Variants in DAB1 observed in about 807,000 individuals in gnomAD.
DAB1 encodes the protein disabled homolog 1.
Under a neutral mutation model 64.6 loss-of-function variants are expected in DAB1, and 15 were observed. The observed-to-expected ratio is 0.23, with a 90% CI of 0.16 to 0.36. DAB1 has a LOEUF of 0.36. DAB1 is among the 10% of genes least tolerant of loss of function. The pLI is 1.00. For synonymous variants in DAB1, 235 were observed against 251.9 expected, an observed-to-expected ratio of 0.93 and a Z score of 0.64; for missense variants, 596 against 706.7, an observed-to-expected ratio of 0.84 and a Z score of 1.78.
At chr1:57,724,247 G>T (rs1400209888) in intron 6 of DAB1, among the ~76,000 whole-genome samples, 1 of 138,982 alleles carries the variant, frequency 7.2e-6, no homozygotes, top group Non-Finnish European at 1.5e-5. Flanking sequence ...AGAAAGAAAG[G>T]AAGGGAGGGA....
At chr1:57,621,249 G>T (rs1040078054) in intron 7 of DAB1, among the ~76,000 whole-genome samples, 2 of 116,792 alleles carry the variant, frequency 1.7e-5, no homozygotes, top group East Asian at 5.4e-4. Context: ...GTTTAAGAGA[G>T]GGAGTGAGAT....
chr1:57,159,108 C>A (rs1489509917), intron 2 of DAB1, among the ~76,000 whole-genome samples: 1 of 152,100 alleles, frequency 6.6e-6, no homozygotes, highest in African/African-American at 2.4e-5. Flanking sequence ...TAACCCAATT[C>A]TTCTGCTCCA....
intron 5 of DAB1, among the ~76,000 whole-genome samples, chr1:57,911,650 G>A (rs371054338): frequency 3.9e-5 from 6 of 152,176 alleles, no homozygotes; most frequent in Admixed American, 2.0e-4. Context: ...CTCCTCAGAC[G>A]TCATGGCTCA....
intron 4 of DAB1, among the ~76,000 whole-genome samples, chr1:58,295,802 G>C (rs532307416): frequency 1.8e-4 from 27 of 152,046 alleles, no homozygotes; most frequent in Non-Finnish European, 3.2e-4. Context: ...TCAAAGGGGA[G>C]ACAGTTGGCT....
At position 57,650,534 on chromosome 1, in the gene DAB1, A is replaced by G. The variant is rs1375198143; in HGVS notation, n.552-869T>C. 2.0e-5 allele frequency among the ~76,000 whole-genome samples: 3 copies of G among 152,348 alleles called. No homozygotes were observed. In the East Asian group the frequency reaches 5.8e-4, roughly 29 times the overall value. ...AAAAATAATTTTTTAAATGTTCACT[A>G]TACAGAAAATATATTTTGTATAACA... On this transcript the variant is annotated intron_variant and non_coding_transcript_variant, in intron 6 of 20. Transcript: ENST00000485760.
Position 57,136,698 on chromosome 1 carries a change from T to C in DAB1, c.208-57A>G. The C allele has an allele frequency of 2.4e-6, 3 of 1,258,454 alleles. No homozygotes were observed. The South Asian group carries it at 4.8e-5, about 20-fold the overall frequency. 78.0% of individuals were successfully genotyped at this position (1,258,454 alleles called of 1,614,324 possible). ...AGTGTTTTCATTTGAAAATTCTCTCTGGTCCCAAAGGTATGTCCGATACCA... is the reference window on the plus strand; with the variant it reads ...AGTGTTTTCATTTGAAAATTCTCTCCGGTCCCAAAGGTATGTCCGATACCA... On this transcript the variant is annotated intron_variant, in intron 3 of 14. Transcript: ENST00000371236.
chr1:57,686,444 T>A (rs1157463925), intron 6 of DAB1, among the ~76,000 whole-genome samples: 1 of 151,982 alleles, frequency 6.6e-6, no homozygotes, highest in Non-Finnish European at 1.5e-5. Context: ...GCGGACCAGA[T>A]GGATGGACAG....
chr1:58,537,055 T>C (rs1406270126), intron 1 of DAB1, among the ~76,000 whole-genome samples: 3 of 150,016 alleles, frequency 2.0e-5, no homozygotes, highest in Non-Finnish European at 4.4e-5. Context: ...ATCTAGTACA[T>C]GCAAAATTCT....
Position 57,258,314 on chromosome 1 carries a change from G to A in DAB1, c.67+32650C>T, listed in dbSNP as rs973059432. On this transcript the variant is annotated intron_variant, in intron 2 of 14. Transcript: ENST00000371236. ...GTCACACAGTAAGAAGGAGGCAGCT[G>A]AGATATGAACCCAGTAATTCCTGAC... Among the ~76,000 whole-genome samples the A allele has an allele frequency of 2.0e-5, 3 of 152,136 alleles. No homozygotes were observed. In the East Asian group the frequency reaches 5.8e-4, roughly 29 times the overall value.
At chr1:58,312,049 A>G (rs1662442894) in intron 4 of DAB1, among the ~76,000 whole-genome samples, 1 of 152,150 alleles carries the variant, frequency 6.6e-6, no homozygotes, top group Non-Finnish European at 1.5e-5. Context: ...ATGTGAGATA[A>G]AGGAAGCAAG....
At chr1:57,621,638 G>A (rs78469449) in intron 7 of DAB1, among the ~76,000 whole-genome samples, 2,654 of 152,190 alleles carry the variant, frequency 0.017, 49 homozygotes, top group Admixed American at 0.054. Context: ...TCTGGATCTG[G>A]CATGTGATCC....
intron 4 of DAB1, among the ~76,000 whole-genome samples, chr1:57,083,297 C>T (rs1482066981): frequency 2.6e-5 from 4 of 152,178 alleles, no homozygotes; most frequent in Non-Finnish European, 4.4e-5. Context: ...AGCCTCTGTG[C>T]ACTTGAATAC....
rs373675306 is a variant in DAB1 at position 57,238,841 on chromosome 1, G to GCA, written c.67+52121_67+52122dup. 8.0e-3 allele frequency among the ~76,000 whole-genome samples: 1,107 copies of GCA among 138,380 alleles called. 4 individuals are homozygous for GCA. The highest frequency in any genetic ancestry group is 0.012 in the Admixed American group (172 of 13,896). 90.8% of individuals were successfully genotyped at this position (138,380 alleles called of 152,430 possible). ...CACACTGGCAGGCGTGTGCACATGC[G>GCA]CACACACACACACACACATACACAC... is the stretch of plus-strand genomic sequence containing the variant. On this transcript the variant is annotated intron_variant, in intron 2 of 14. Transcript: ENST00000371236.
chr1:57,052,817 C>T (rs1331280418), intron 9 of DAB1, among the ~76,000 whole-genome samples: 1 of 152,210 alleles, frequency 6.6e-6, no homozygotes, highest in African/African-American at 2.4e-5. Context: ...TGGCAGAGAG[C>T]TCACTACTCG....
At chr1:57,442,705 C>T (rs1686000202) in intron 7 of DAB1, among the ~76,000 whole-genome samples, 1 of 152,206 alleles carries the variant, frequency 6.6e-6, no homozygotes, top group Non-Finnish European at 1.5e-5. Context: ...TGGAAAGACA[C>T]AGCTGGGATG....
intron 2 of DAB1, among the ~76,000 whole-genome samples, chr1:57,228,479 T>G (rs1226042479): frequency 2.0e-5 from 3 of 152,090 alleles, no homozygotes; most frequent in Non-Finnish European, 1.5e-5. Context: ...TAACCTAACC[T>G]CAGATGTATT....
intron 3 of DAB1, among the ~76,000 whole-genome samples, chr1:58,483,161 T>C (rs1169031623): frequency 3.9e-5 from 6 of 152,164 alleles, no homozygotes; most frequent in Admixed American, 3.9e-4. Context: ...TAGCCTGCCA[T>C]CTGCCCCCTC....
At chr1:57,654,165 A>AT (rs1051029261) in intron 6 of DAB1, among the ~76,000 whole-genome samples, 4 of 152,198 alleles carry the variant, frequency 2.6e-5, no homozygotes, top group Admixed American at 2.6e-4. Context: ...TCATATGTCC[A>AT]TTTTTCTATT....
intron 5 of DAB1, among the ~76,000 whole-genome samples, chr1:57,898,661 C>T (rs11582953): frequency 0.051 from 7,693 of 152,110 alleles, 653 homozygotes; most frequent in African/African-American, 0.18. Context: ...CCCAGCACAC[C>T]GCTTCTCAGC....
Sources: gnomAD v4.1 joint callset for allele counts (sites outside exome capture counted in the v4.1 genomes callset) on GRCh38, gnomAD v4.1.1 for gene constraint, MANE v1.5 for transcripts, NCBI Gene and HGNC (gene_info 2026-07-23, HGNC 2026-07-21) for gene names.